Variants in AKAP7 observed in about 807,000 individuals in gnomAD.
The protein encoded by AKAP7 is A-kinase anchoring protein 7, also known as A kinase (PRKA) anchor protein 7.
A neutral mutation model predicts 39.5 loss-of-function variants in AKAP7; 39 were observed. The observed-to-expected ratio is 0.99, with a 90% CI of 0.76 to 1.29. The LOEUF (loss-of-function observed/expected upper bound fraction) is 1.29, where lower values mean the gene tolerates loss of function less well. Ranked by LOEUF, AKAP7 falls within the 50% of genes most tolerant of loss-of-function variation. The pLI is 0.00. For synonymous variants in AKAP7, 140 were observed against 139.1 expected, an observed-to-expected ratio of 1.01 and a Z score of -0.05; for missense variants, 414 against 407.7, an observed-to-expected ratio of 1.02 and a Z score of -0.13.
At chr6:131,241,621 GTGTGTGTA>G (rs1356955808) in intron 7 of AKAP7, among the ~76,000 whole-genome samples, 16 of 71,504 alleles carry the variant, frequency 2.2e-4, no homozygotes, top group South Asian at 1.2e-3. Context: ...GTGTGTGTGT[GTGTGTGTA>G]TATATATATG....
chr6:131,253,963 C>G (rs1379948649), intron 7 of AKAP7, among the ~76,000 whole-genome samples: 1 of 152,142 alleles, frequency 6.6e-6, no homozygotes, highest in Non-Finnish European at 1.5e-5. Flanking sequence ...CTTTGATACA[C>G]TGATCTCCTT....
chr6:131,159,315 G>A (rs182237490), intron 2 of AKAP7, among the ~76,000 whole-genome samples: 56 of 151,888 alleles, frequency 3.7e-4, no homozygotes, highest in Admixed American at 3.5e-3. Context: ...GGATGGTCTT[G>A]ATCTCCTGAC....
At chr6:131,265,168 T>C (rs1356698268) in intron 7 of AKAP7, among the ~76,000 whole-genome samples, 1 of 152,214 alleles carries the variant, frequency 6.6e-6, no homozygotes, top group Non-Finnish European at 1.5e-5. Flanking sequence ...AGAGTCTTGC[T>C]CTGTTGCCCA....
intron 7 of AKAP7, among the ~76,000 whole-genome samples, chr6:131,267,248 C>T (rs1369069755): frequency 6.6e-6 from 1 of 152,142 alleles, no homozygotes; most frequent in Non-Finnish European, 1.5e-5. Flanking sequence ...TCTCACTAAG[C>T]ATAATGACTG....
At chr6:131,173,066 G>A (rs1804227557) in intron 5 of AKAP7, among the ~76,000 whole-genome samples, 1 of 151,892 alleles carries the variant, frequency 6.6e-6, no homozygotes. Flanking sequence ...TTAGCAGGGT[G>A]TGATGGGACC....
chr6:131,187,059 C>T (rs2128265670), intron 5 of AKAP7, among the ~76,000 whole-genome samples: 1 of 152,270 alleles, frequency 6.6e-6, no homozygotes, highest in Non-Finnish European at 1.5e-5. Flanking sequence ...TGTAAAATCT[C>T]TAACTTTGAT....
intron 5 of AKAP7, among the ~76,000 whole-genome samples, chr6:131,173,766 G>A (rs1454670352): frequency 6.6e-6 from 1 of 152,086 alleles, no homozygotes; most frequent in East Asian, 1.9e-4. Context: ...TGGAAAAAAT[G>A]CTAGACTTAG....
chr6:131,130,474 T>C (rs187464738), upstream of AKAP7, among the ~76,000 whole-genome samples: 310 of 152,322 alleles, frequency 2.0e-3, no homozygotes, highest in African/African-American at 6.2e-3. Flanking sequence ...TTTTGTATTG[T>C]TAGTAGAGAC....
At chr6:131,236,317 A>G (rs1276967354) in intron 7 of AKAP7, among the ~76,000 whole-genome samples, 2 of 152,132 alleles carry the variant, frequency 1.3e-5, no homozygotes, top group Non-Finnish European at 2.9e-5. Flanking sequence ...GCCTTGTAGT[A>G]TAGTTCGAAG....
intron 5 of AKAP7, among the ~76,000 whole-genome samples, chr6:131,185,955 T>C (rs761447672): frequency 2.2e-4 from 34 of 152,232 alleles, no homozygotes; most frequent in Non-Finnish European, 4.3e-4. Context: ...TTAACTCTTA[T>C]GTTTAGATCT....
intron 6 of AKAP7, among the ~76,000 whole-genome samples, chr6:131,210,857 C>T (rs1808580362): frequency 6.6e-6 from 1 of 152,122 alleles, no homozygotes; most frequent in African/African-American, 2.4e-5. Context: ...ACTTGGTCCC[C>T]TTGGATCCCA....
chr6:131,277,191 T>C (rs1020111720), intron 7 of AKAP7, among the ~76,000 whole-genome samples: 10 of 152,230 alleles, frequency 6.6e-5, no homozygotes, highest in African/African-American at 2.4e-4. Flanking sequence ...TTCTTAAGTC[T>C]GTATTTTTAG....
intron 5 of AKAP7, among the ~76,000 whole-genome samples, chr6:131,176,498 CTG>C (rs1008584453): frequency 2.6e-5 from 4 of 151,912 alleles, no homozygotes; most frequent in African/African-American, 9.7e-5. Flanking sequence ...GCTTGCGAGA[CTG>C]AGAGATTGCT....
At chr6:131,132,113 C>T (rs1800341518), upstream of AKAP7, among the ~76,000 whole-genome samples, 1 of 151,958 alleles carries the variant, frequency 6.6e-6, no homozygotes, top group Non-Finnish European at 1.5e-5. Flanking sequence ...GAGATCGAGA[C>T]CATCTTGGCT....
intron 7 of AKAP7, among the ~76,000 whole-genome samples, chr6:131,234,533 G>C (rs1923620): frequency 0.12 from 17,584 of 152,006 alleles, 1,185 homozygotes; most frequent in Admixed American, 0.19. Flanking sequence ...AAGCGACCCA[G>C]TGAAGTCTGT....
intron 5 of AKAP7, among the ~76,000 whole-genome samples, chr6:131,193,235 T>G (rs1010244149): frequency 2.0e-5 from 3 of 152,180 alleles, no homozygotes; most frequent in Non-Finnish European, 4.4e-5. Flanking sequence ...TAGCTTTTAT[T>G]ATGTTGAAGT....
At position 131,153,203 on chromosome 6, in the gene AKAP7, G is replaced by A. The variant is rs114773675; in HGVS notation, c.152-6856G>A. 4.4e-3 allele frequency among the ~76,000 whole-genome samples: 668 copies of A among 151,842 alleles called. 3 individuals carry two copies. The highest frequency in any genetic ancestry group is 0.016 in the African/African-American group (646 of 41,412). ...TGTATGATAAATCAGCAGGGCTCAC[G>A]GAATTAAGAAAAGTGTATTACAAGG... is the stretch of plus-strand genomic sequence containing the variant. On this transcript the variant is annotated intron_variant, in intron 2 of 7. Transcript: ENST00000431975.
chr6:131,189,412 C>T (rs774510725), intron 5 of AKAP7, among the ~76,000 whole-genome samples: 8 of 151,948 alleles, frequency 5.3e-5, no homozygotes, highest in Non-Finnish European at 1.2e-4. Context: ...ATCATGTGAT[C>T]GTATAAACAT....
At chr6:131,133,461 TCTAAAAGAAGCTCTGTGAAAA>T (rs1329491633), upstream of AKAP7, among the ~76,000 whole-genome samples, 1 of 152,228 alleles carries the variant, frequency 6.6e-6, no homozygotes, top group East Asian at 1.9e-4. Flanking sequence ...CCCTGTCATT[TCTAAAAGAAGCTCTGTGAAAA>T]ATTCCTTTTT....
Sources: allele counts gnomAD v4.1 joint callset (sites outside exome capture counted in the v4.1 genomes callset), GRCh38; gene constraint gnomAD v4.1.1; transcripts MANE v1.5; gene names NCBI Gene and HGNC (gene_info 2026-07-23, HGNC 2026-07-21).